Variants in RASGRF2 observed in about 807,000 individuals in gnomAD.
RASGRF2 encodes Ras protein specific guanine nucleotide releasing factor 2.
Under a neutral mutation model 151.0 loss-of-function variants are expected in RASGRF2, and 76 were observed. That is an observed-to-expected ratio of 0.50 (90% CI 0.42 to 0.61). The LOEUF (loss-of-function observed/expected upper bound fraction) is 0.61. Among genes scored for constraint, RASGRF2 ranks in the 20% least tolerant of loss-of-function variants. The probability of loss-of-function intolerance (pLI) is 0.00; values close to 1 mark genes in which losing one functional copy is unlikely to be tolerated. For missense variants in RASGRF2, 1,148 were observed against 1,564.6 expected (o/e 0.73, Z 4.49); for synonymous variants, 504 against 566.5 (o/e 0.89, Z 1.57).
chr5:81,035,402 A>T (rs1048026664), intron 1 of RASGRF2, among the ~76,000 whole-genome samples: 1 of 152,146 alleles, frequency 6.6e-6, no homozygotes, highest in Non-Finnish European at 1.5e-5. Flanking sequence ...CATAGGTGGG[A>T]ATTGAACGAT....
chr5:80,994,274 G>A (rs1748754219), intron 1 of RASGRF2, among the ~76,000 whole-genome samples: 1 of 150,736 alleles, frequency 6.6e-6, no homozygotes, highest in African/African-American at 2.4e-5. Flanking sequence ...GCTGAGGCAG[G>A]AGAATGGCGT....
chr5:81,118,826 TG>T (rs146044263), intron 15 of RASGRF2, among the ~76,000 whole-genome samples: 3,790 of 152,344 alleles, frequency 0.025, 176 homozygotes, highest in African/African-American at 0.084. Context: ...TTCATTACTC[TG>T]AAGTTCTACC....
rs769576199 is a variant in RASGRF2, at chr5:81,080,589, T to A, written c.968-7T>A. 6.2e-7 allele frequency: 1 copy of A among 1,611,478 alleles called. No homozygotes were observed. The highest frequency in any genetic ancestry group is 1.1e-5 in the South Asian group (1 of 90,774). ...GGGAAACAGCCGTGTTTACTGTTTC[T>A]TTGCAGCTGATCTGTTTGATATTTT... On this transcript the variant is annotated splice_region_variant and splice_polypyrimidine_tract_variant and intron_variant, in intron 6 of 26. Coordinates refer to ENST00000265080, the MANE Select transcript of RASGRF2 (RefSeq NM_006909.3).
chr5:81,127,289 C>A, intron 17 of RASGRF2, 126 bp downstream of exon 17: 2 of 979,330 alleles, frequency 2.0e-6, no homozygotes, highest in Non-Finnish European at 1.5e-6. Context: ...TTTGGGAAGC[C>A]GAAGCAGAAG....
intron 17 of RASGRF2, among the ~76,000 whole-genome samples, chr5:81,176,887 CAGACA>C (rs1230859944): frequency 6.6e-6 from 1 of 152,114 alleles, no homozygotes; most frequent in Non-Finnish European, 1.5e-5. Context: ...GAGGCAGAGG[CAGACA>C]AGTTTCTTAG....
chr5:81,107,589 A>C (rs1752880331), intron 12 of RASGRF2, among the ~76,000 whole-genome samples: 1 of 152,182 alleles, frequency 6.6e-6, no homozygotes, highest in Admixed American at 6.5e-5. Context: ...CGCTCTCAAC[A>C]TAAAGTATGT....
intron 17 of RASGRF2, among the ~76,000 whole-genome samples, chr5:81,170,604 ACT>A (rs1754637226): frequency 6.6e-6 from 1 of 151,284 alleles, no homozygotes; most frequent in Non-Finnish European, 1.5e-5. Flanking sequence ...TCTCCACATG[ACT>A]CTGTCTTTCT....
chr5:81,003,180 C>G (rs971538024), intron 1 of RASGRF2, among the ~76,000 whole-genome samples: 1 of 150,400 alleles, frequency 6.6e-6, no homozygotes, highest in Non-Finnish European at 1.5e-5. Context: ...CTCAGCCTCC[C>G]GAGTAGCGGG....
chr5:81,104,277 A>G (rs1220963968), intron 12 of RASGRF2, among the ~76,000 whole-genome samples: 4 of 152,084 alleles, frequency 2.6e-5, no homozygotes, highest in Non-Finnish European at 4.4e-5. Flanking sequence ...GAATTATTTC[A>G]TAATAAAAAA....
At chr5:81,117,859 C>T (rs1413281324) in intron 15 of RASGRF2, among the ~76,000 whole-genome samples, 20 of 152,072 alleles carry the variant, frequency 1.3e-4, no homozygotes, top group Admixed American at 1.3e-4. Flanking sequence ...GAAAAGTAGG[C>T]AAAAAGAAAG....
At chr5:81,209,265 A>AT (rs1477548782) in intron 22 of RASGRF2, among the ~76,000 whole-genome samples, 1 of 152,008 alleles carries the variant, frequency 6.6e-6, no homozygotes, top group Non-Finnish European at 1.5e-5. Context: ...CCCCAGCGGT[A>AT]AGATTGGGAG....
At chr5:81,000,391 A>G (rs967734315) in intron 1 of RASGRF2, among the ~76,000 whole-genome samples, 10 of 152,224 alleles carry the variant, frequency 6.6e-5, no homozygotes, top group African/African-American at 2.4e-4. Flanking sequence ...ACAGGTGCCT[A>G]CCACCATGCC....
At chr5:81,185,207 G>A (rs1039662044) in intron 18 of RASGRF2, among the ~76,000 whole-genome samples, 4 of 152,242 alleles carry the variant, frequency 2.6e-5, no homozygotes, top group African/African-American at 9.6e-5. Flanking sequence ...CCACTATGGG[G>A]AAGGTGGGGA....
chr5:81,104,269 A>G (rs1752783990), intron 12 of RASGRF2, among the ~76,000 whole-genome samples: 1 of 152,040 alleles, frequency 6.6e-6, no homozygotes, highest in South Asian at 2.1e-4. Context: ...GTATATTTGA[A>G]TTATTTCATA....
At chr5:81,087,608 A>C in intron 9 of RASGRF2, 1 of 548,618 alleles carries the variant, frequency 1.8e-6, no homozygotes, top group Admixed American at 3.2e-5. Flanking sequence ...CAACAGCCTG[A>C]CAGTGCCTAT....
At chr5:80,985,592 T>C (rs897964272) in intron 1 of RASGRF2, among the ~76,000 whole-genome samples, 2 of 152,216 alleles carry the variant, frequency 1.3e-5, no homozygotes, top group African/African-American at 4.8e-5. Flanking sequence ...TAAAGAAATG[T>C]GTACTCTCTA....
rs34039392 is a variant in RASGRF2 at position 81,094,917 on chromosome 5, C to T, written c.1680C>T (p.Asp560=). 0.011 allele frequency: 17,018 copies of T among 1,603,198 alleles called. 1,194 individuals carry two copies. In the African/African-American group the frequency reaches 0.17, roughly 16 times the overall value. Residue 560 remains aspartate, a synonymous_variant, in exon 12 of 27, where the codon GAC becomes GAT. Transcript: ENST00000265080. The stretch of plus-strand genomic sequence containing the variant: ...TTAAAATAGTGGTGGAGCCTCCTGA[C>T]GCTGCCGCCTTCACTGTTGTCTTGT... ...LDFKIVVEPP[D]AAAFTVVLLA... is the part of the protein sequence containing the mutation.
At chr5:81,159,245 A>G (rs1455474474) in intron 17 of RASGRF2, among the ~76,000 whole-genome samples, 1 of 152,242 alleles carries the variant, frequency 6.6e-6, no homozygotes, top group Non-Finnish European at 1.5e-5. Flanking sequence ...AGGTTGGCAA[A>G]TGTTTTTTTA....
At chr5:81,108,832 CTCTGTGTGTGTGTGTGTGTG>C (rs1003063290) in intron 12 of RASGRF2, among the ~76,000 whole-genome samples, 144 bp from the exon 13 acceptor site, 2 of 115,394 alleles carry the variant, frequency 1.7e-5, no homozygotes, top group Admixed American at 9.2e-5. Flanking sequence ...TATTTACCTA[CTCTGTGTGTGTGTGTGTGTG>C]TGTGTGTGTG....
Sources: gnomAD v4.1 joint callset for allele counts (sites outside exome capture counted in the v4.1 genomes callset) on GRCh38, gnomAD v4.1.1 for gene constraint, MANE v1.5 for transcripts, NCBI Gene and HGNC (gene_info 2026-07-23, HGNC 2026-07-21) for gene names.